The following ZMYM2 variants were observed in gnomAD, a reference collection of about 807,000 sequenced individuals.
ZMYM2 encodes zinc finger MYM-type containing 2, also known as zinc finger MYM-type protein 2.
ZMYM2 carries 56 observed loss-of-function variants against 162.8 expected under a neutral mutation model. The observed-to-expected ratio is 0.34, with a 90% confidence interval of 0.28 to 0.43. The LOEUF is 0.43. ZMYM2 is among the 20% of genes least tolerant of loss of function. The pLI is 1.00. For synonymous variants in ZMYM2, 510 were observed against 541.6 expected (o/e 0.94, Z 0.81); for missense variants, 1,275 against 1,621.8 (o/e 0.79, Z 3.67).
chr13:19,866,751 G>T, the ZMYM2 span, among the ~76,000 whole-genome samples: 2 of 152,046 alleles, frequency 1.3e-5, no homozygotes, highest in African/African-American at 2.4e-5. Flanking sequence ...TTAAAAATTA[G>T]CCAGAAGTGG....
chr13:19,920,544 G>T, the ZMYM2 span, among the ~76,000 whole-genome samples: 3 of 151,138 alleles, frequency 2.0e-5, no homozygotes, highest in Non-Finnish European at 4.4e-5. Context: ...GGAAGGAGAG[G>T]ATGGGGAGGG....
At chr13:20,034,484 T>C in intron 11 of ZMYM2, 80 bp downstream of exon 11, 2 of 1,297,688 alleles carry the variant, frequency 1.5e-6, no homozygotes, top group Non-Finnish European at 2.0e-6. Flanking sequence ...CCAGAGTGGC[T>C]GCACAATTTT....
chr13:19,994,815 T>G lies in ZMYM2; in HGVS notation c.847+896T>G, dbSNP rs1037382602. 1.1e-4 allele frequency among the ~76,000 whole-genome samples: 16 copies of G among 152,180 alleles called. No individual in the cohort carries two copies. In the Middle Eastern group the frequency reaches 0.01, roughly 97 times the overall value. ...CATTTAGATTTATTTCTACTTTCCCTGTGCTTATTTAATTTAATTAATTAG... is the reference window on the plus strand; with the variant it reads ...CATTTAGATTTATTTCTACTTTCCCGGTGCTTATTTAATTTAATTAATTAG... On this transcript the variant is annotated intron_variant, in intron 3 of 24. Coordinates refer to ENST00000610343, the MANE Select transcript of ZMYM2 (RefSeq NM_197968.4).
chr13:19,965,851 G>A (rs1424617116), intron 2 of ZMYM2, among the ~76,000 whole-genome samples: 1 of 137,490 alleles, frequency 7.3e-6, no homozygotes, highest in Non-Finnish European at 1.5e-5. Flanking sequence ...TCAGCTCACT[G>A]CAACCTCCGC....
intron 2 of ZMYM2, among the ~76,000 whole-genome samples, chr13:19,968,068 A>G (rs1237577176): frequency 6.6e-6 from 1 of 152,192 alleles, no homozygotes; most frequent in Non-Finnish European, 1.5e-5. Context: ...AAAGAAATCC[A>G]CTGTCTGATC....
At chr13:19,886,116 C>A in the ZMYM2 span, among the ~76,000 whole-genome samples, 2 of 147,864 alleles carry the variant, frequency 1.4e-5, no homozygotes, top group Non-Finnish European at 3.0e-5. Flanking sequence ...TAATTTATGA[C>A]CCTGTTCAAA....
the ZMYM2 span, among the ~76,000 whole-genome samples, chr13:19,867,291 C>T: frequency 8.0e-5 from 12 of 150,504 alleles, no homozygotes; most frequent in Non-Finnish European, 1.0e-4. Context: ...CGGAGGTTGC[C>T]GTGAGCAGAG....
chr13:19,971,457 A>T lies in ZMYM2; in HGVS notation c.-11+11431A>T, dbSNP rs747664412. ...GGTTAATTTTGTAGTTTTAGTAGAG[A>T]CGGGGTTTCTCCATGTTGGTCAGGC... On this transcript the variant is annotated intron_variant, in intron 2 of 24. Coordinates refer to ENST00000610343, the MANE Select transcript of ZMYM2 (RefSeq NM_197968.4). Among the ~76,000 whole-genome samples, 60 of 150,778 alleles carry T rather than the reference A, an allele frequency of 4.0e-4. 1 individual carries two copies. Among genetic ancestry groups the T allele is most frequent in the Admixed American group, 6.7e-5 (1 of 15,026 alleles).
At chr13:20,010,959 A>G (rs745864348) in intron 6 of ZMYM2, among the ~76,000 whole-genome samples, 2 of 152,094 alleles carry the variant, frequency 1.3e-5, no homozygotes, top group Non-Finnish European at 2.9e-5. Flanking sequence ...TTTAGTTGAT[A>G]TGTAATACTT....
In ZMYM2 at chr13:20,062,948, A is replaced by G; in HGVS notation, c.3014A>G (p.Asp1005Gly). The change falls in exon 18 of 25, where the codon GAT becomes GGT. Residue 1005 changes from aspartate to glycine, a missense_variant. Around this residue, in one of 10 missense-constraint regions of ZMYM2, gnomAD observed 229 missense variants for 283.8 expected, o/e 0.81. Transcript: ENST00000610343. ...MPDVPYEPDLDIEIDFPRAAE... is the reference protein window; with the variant it reads ...MPDVPYEPDLGIEIDFPRAAE... ...GATGTACCATATGAACCAGATTTGGATATCGAAATAGATTTTCCCAGAGGT... is the reference window on the plus strand; with the variant it reads ...GATGTACCATATGAACCAGATTTGGGTATCGAAATAGATTTTCCCAGAGGT... 2 of 1,602,912 alleles carry G rather than the reference A, an allele frequency of 1.2e-6. No individual in the cohort carries two copies. Among genetic ancestry groups the G allele is most frequent in the South Asian group, 1.1e-5 (1 of 88,792 alleles).
chr13:19,889,853 A>ATT, the ZMYM2 span, among the ~76,000 whole-genome samples: 482 of 147,884 alleles, frequency 3.3e-3, 5 homozygotes, highest in South Asian at 8.2e-3. Flanking sequence ...ACCAATAAGT[A>ATT]TTTTTTTTTT....
At chr13:19,968,902 G>C (rs1233755751) in intron 2 of ZMYM2, among the ~76,000 whole-genome samples, 1 of 152,176 alleles carries the variant, frequency 6.6e-6, no homozygotes, top group Non-Finnish European at 1.5e-5. Flanking sequence ...CAGAGAGGTA[G>C]TCATATAAAT....
At chr13:20,006,643 T>C in intron 6 of ZMYM2, 57 bp downstream of exon 6, 3 of 1,495,374 alleles carry the variant, frequency 2.0e-6, no homozygotes, top group Non-Finnish European at 2.8e-6. Context: ...GAAAGTGTTG[T>C]AATACTTTTA....
rs1956720234 is a variant in ZMYM2, at chr13:20,066,857, A to C, written c.3139A>C (p.Lys1047Gln). Residue 1047 changes from lysine (K) to glutamine (Q), a missense_variant, in exon 20 of 25, where the codon AAG becomes CAG. Physicochemically the swap from Lys to Gln is moderately conservative, Grantham distance 53 (BLOSUM62 1). This residue lies in a region of ZMYM2 where 229 missense variants were observed against 283.8 expected (regional missense o/e 0.81). Coordinates refer to ENST00000610343, the MANE Select transcript of ZMYM2 (RefSeq NM_197968.4). ...PRPRSKKKGAKRKAVSGYQSH... is the reference protein window; with the variant it reads ...PRPRSKKKGAQRKAVSGYQSH... ...TGGTGTTTTTTACTAATAGGGAGCCAAGAGAAAGGCTGTATCAGGATACCA... is the reference window on the plus strand; with the variant it reads ...TGGTGTTTTTTACTAATAGGGAGCCCAGAGAAAGGCTGTATCAGGATACCA... 1 of 1,589,210 alleles carries C rather than the reference A, an allele frequency of 6.3e-7. No individual in the cohort carries two copies. The highest frequency in any genetic ancestry group is 8.5e-7 in the Non-Finnish European group (1 of 1,171,052).
the ZMYM2 span, among the ~76,000 whole-genome samples, chr13:19,878,211 C>T: frequency 6.6e-6 from 1 of 152,020 alleles, no homozygotes; most frequent in Non-Finnish European, 1.5e-5. Context: ...CACCACCACA[C>T]CCAGCTAATT....
intron 12 of ZMYM2, among the ~76,000 whole-genome samples, chr13:20,048,804 GT>G (rs60116074): frequency 0.12 from 17,727 of 143,394 alleles, 1,355 homozygotes; most frequent in African/African-American, 0.22. Context: ...CCTGTGACTT[GT>G]TTTTTTTTTT....
chr13:20,008,151 A>T (rs1950894199), intron 6 of ZMYM2, among the ~76,000 whole-genome samples: 1 of 151,598 alleles, frequency 6.6e-6, no homozygotes, highest in African/African-American at 2.4e-5. Flanking sequence ...TTGTTTTGAG[A>T]CAGGGTCTTG....
At chr13:19,896,350 A>T in the ZMYM2 span, among the ~76,000 whole-genome samples, 1 of 150,188 alleles carries the variant, frequency 6.7e-6, no homozygotes, top group Non-Finnish European at 1.5e-5. Context: ...CACTATGTTG[A>T]CCAGGCTGGT....
At chr13:19,983,960 C>T (rs751511375) in intron 2 of ZMYM2, among the ~76,000 whole-genome samples, 1 of 152,128 alleles carries the variant, frequency 6.6e-6, no homozygotes, top group Non-Finnish European at 1.5e-5. Context: ...TTAAATCTAT[C>T]ATATTAACTC....
Sources: allele counts gnomAD v4.1 joint callset (sites outside exome capture counted in the v4.1 genomes callset), GRCh38; gene constraint gnomAD v4.1.1; regional missense constraint gnomAD v4.1.1; transcripts MANE v1.5; gene names NCBI Gene and HGNC (gene_info 2026-07-23, HGNC 2026-07-21).